Variants in GRIK5 observed in about 807,000 individuals in gnomAD.
GRIK5 encodes the protein glutamate ionotropic receptor kainate type subunit 5, also known as glutamate receptor ionotropic, kainate 5.
A neutral mutation model predicts 97.4 loss-of-function variants in GRIK5; 43 were observed. The observed-to-expected ratio is 0.44, with a 90% confidence interval of 0.35 to 0.57. The LOEUF (loss-of-function observed/expected upper bound fraction) is 0.57. Ranked by LOEUF, GRIK5 falls within the 20% of genes least tolerant of loss-of-function variation. The pLI is 0.01. For synonymous variants in GRIK5, 580 were observed against 583.5 expected (o/e 0.99, Z 0.09); for missense variants, 1,015 against 1,382.0 (o/e 0.73, Z 4.21).
At chr19:42,067,502 A>AG (rs1287768405) in intron 1 of GRIK5, among the ~76,000 whole-genome samples, 3 of 152,158 alleles carry the variant, frequency 2.0e-5, no homozygotes, top group Admixed American at 6.5e-5. Flanking sequence ...GGAGACCCGG[A>AG]GGAGCGCTCA....
intron 19 of GRIK5, among the ~76,000 whole-genome samples, chr19:42,001,203 G>A (rs1555870836): frequency 6.6e-6 from 1 of 152,122 alleles, no homozygotes; most frequent in Non-Finnish European, 1.5e-5. Context: ...CCCTTCTCCT[G>A]GGAAATGTTA....
chr19:42,056,892 TG>T, intron 7 of GRIK5, 32 bp downstream of exon 7: 1 of 1,609,000 alleles, frequency 6.2e-7, no homozygotes, highest in Non-Finnish European at 8.5e-7. Context: ...GGGAAGGAAG[TG>T]GGGGCAGAGA....
Position 42,002,688 on chromosome 19 carries a change from G to C in GRIK5, c.2514+644C>G. 4.9e-6 allele frequency: 3 copies of C among 608,328 alleles called. No individual in the cohort carries two copies. The South Asian group carries it at 6.0e-5, about 12-fold the overall frequency. The allele number at this position is 608,328 out of a possible 1,614,324, so 37.7% of individuals were successfully genotyped here. On this transcript the variant is annotated intron_variant, in intron 19 of 19. Transcript: ENST00000593562. The surrounding 1 kb of genome is among the most constrained non-coding windows in gnomAD (Gnocchi z 5.2). ...GGTCTGGAAATGCAGGGGTGTGGCT[G>C]GGCGGCCCCCAGGGACATGGAAGCA... is the stretch of plus-strand genomic sequence containing the variant.
intron 19 of GRIK5, among the ~76,000 whole-genome samples, chr19:42,000,756 T>C (rs1206570152): frequency 6.6e-6 from 1 of 152,202 alleles, no homozygotes; most frequent in Admixed American, 6.5e-5. Context: ...CACATTCTGC[T>C]TCCGCCTTGC....
intron 12 of GRIK5, among the ~76,000 whole-genome samples, chr19:42,027,194 C>T (rs181820018): frequency 3.9e-5 from 6 of 152,338 alleles, no homozygotes; most frequent in South Asian, 2.1e-4. Flanking sequence ...AAACATACAA[C>T]GTCAGGTAGT....
rs2075954938 is a variant in GRIK5 at position 42,039,718 on chromosome 19, T to C, written c.1473+2834A>G. On this transcript the variant is annotated intron_variant, in intron 12 of 19. Coordinates refer to ENST00000593562, the MANE Select transcript of GRIK5 (RefSeq NM_002088.5). ...GTATGAATAATAACAATAATAAAAA[T>C]AGTATAATCCCAGCACTTTGGAAGG... 2.0e-5 allele frequency among the ~76,000 whole-genome samples: 3 copies of C among 151,910 alleles called. 1 individual carries two copies. Among genetic ancestry groups the C allele is most frequent in the Admixed American group, 2.0e-4 (3 of 15,242 alleles).
chr19:42,048,183 G>C (rs2076067218), intron 11 of GRIK5, among the ~76,000 whole-genome samples: 1 of 152,064 alleles, frequency 6.6e-6, no homozygotes, highest in African/African-American at 2.4e-5. Flanking sequence ...GAAAAAAGCT[G>C]ATGAAGAGAA....
In GRIK5 at chr19:42,042,672, C is replaced by T; in HGVS notation, c.1353G>A (p.Leu451=). ...AGCGCAGCAGCTCGGCCAGCTCCCG[C>T]AGCATGTCCACGCAGAAGCCCTCGA... ...ERFEGFCVDM[L]RELAELLRFR... The change falls in exon 12 of 20, where the codon CTG becomes CTA. Residue 451 remains leucine (L), a synonymous_variant. Coordinates refer to ENST00000593562, the MANE Select transcript of GRIK5 (RefSeq NM_002088.5). This position sits in a 1 kb window ranked among gnomAD's most constrained non-coding sequence, Gnocchi z 6.9. The T allele has an allele frequency of 6.2e-7, 1 of 1,613,614 alleles. No homozygotes were observed. Among genetic ancestry groups the T allele is most frequent in the Non-Finnish European group, 8.5e-7 (1 of 1,180,000 alleles).
intron 6 of GRIK5, 46 bp from the exon 7 acceptor site, chr19:42,057,024 C>A (rs1292458125): frequency 1.4e-6 from 2 of 1,438,748 alleles, no homozygotes; most frequent in Non-Finnish European, 1.9e-6. Flanking sequence ...GACAGAGACC[C>A]ACAGGCAGAG....
intron 8 of GRIK5, among the ~76,000 whole-genome samples, 187 bp from the exon 9 acceptor site, chr19:42,054,659 G>A (rs1240005577): frequency 6.6e-6 from 1 of 152,158 alleles, no homozygotes; most frequent in Non-Finnish European, 1.5e-5. Flanking sequence ...ATTGACAGCG[G>A]GGAAGGTGTG....
intron 15 of GRIK5, among the ~76,000 whole-genome samples, chr19:42,009,042 C>T (rs2075527741): frequency 6.6e-6 from 1 of 151,898 alleles, no homozygotes; most frequent in Non-Finnish European, 1.5e-5. Context: ...GCCTGGTCAA[C>T]ATAGCCAGAC....
At chr19:42,035,327 G>A (rs777878538) in intron 12 of GRIK5, among the ~76,000 whole-genome samples, 7 of 152,114 alleles carry the variant, frequency 4.6e-5, no homozygotes, top group African/African-American at 9.7e-5. Flanking sequence ...GTGTACTAAC[G>A]TGGGAAGATG....
At chr19:42,026,958 C>T (rs1030776748) in intron 12 of GRIK5, among the ~76,000 whole-genome samples, 1 of 152,108 alleles carries the variant, frequency 6.6e-6, no homozygotes, top group East Asian at 1.9e-4. Context: ...TGTGCCATGC[C>T]TGTTCCCCTT....
intron 11 of GRIK5, among the ~76,000 whole-genome samples, chr19:42,043,399 A>ATTT (rs984583211): frequency 2.1e-4 from 25 of 121,300 alleles, no homozygotes; most frequent in South Asian, 2.6e-4. Context: ...AGATGGTGCA[A>ATTT]TTTTTTTTTT....
intron 7 of GRIK5, 26 bp from the exon 8 acceptor site, chr19:42,056,849 C>T (rs1395376091): frequency 6.2e-7 from 1 of 1,613,824 alleles, no homozygotes; most frequent in East Asian, 2.2e-5. Context: ...GGTGGTGAGG[C>T]CTGGGGCTAA....
intron 12 of GRIK5, among the ~76,000 whole-genome samples, chr19:42,027,945 C>T (rs1246181105): frequency 6.6e-6 from 1 of 152,122 alleles, no homozygotes; most frequent in Non-Finnish European, 1.5e-5. Flanking sequence ...TTCTCCTATA[C>T]CTCAACCTCC....
intron 15 of GRIK5, among the ~76,000 whole-genome samples, chr19:42,017,545 A>C (rs2075639434): frequency 6.6e-6 from 1 of 152,254 alleles, no homozygotes; most frequent in African/African-American, 2.4e-5. Flanking sequence ...AGTGTGAGTG[A>C]GAAGCCCCAT....
At position 42,003,544 on chromosome 19, in the gene GRIK5, C is replaced by T. The variant is rs200174390; in HGVS notation, c.2392+11G>A. 64 of 1,608,104 alleles carry T rather than the reference C, an allele frequency of 4.0e-5. No homozygotes were observed. In the East Asian group the frequency reaches 9.6e-4, roughly 24 times the overall value. ...GGCTATGGGAAGGGGACACCATACGCGGGAACTGACCTTTAGCTCGATGGT... is the reference window on the plus strand; with the variant it reads ...GGCTATGGGAAGGGGACACCATACGTGGGAACTGACCTTTAGCTCGATGGT... On this transcript the variant is annotated intron_variant, in intron 18 of 19. Coordinates refer to ENST00000593562, the MANE Select transcript of GRIK5 (RefSeq NM_002088.5). This position sits in a 1 kb window ranked among gnomAD's most constrained non-coding sequence, Gnocchi z 4.2.
intron 9 of GRIK5, 91 bp downstream of exon 9, chr19:42,054,229 G>A: frequency 4.4e-6 from 6 of 1,368,294 alleles, no homozygotes; most frequent in Non-Finnish European, 6.1e-6. Flanking sequence ...GAAGAGCAGG[G>A]AGGGCAGAGG....
Sources: allele counts gnomAD v4.1 joint callset (sites outside exome capture counted in the v4.1 genomes callset), GRCh38; gene constraint gnomAD v4.1.1; non-coding constraint Gnocchi (gnomAD v3.1); transcripts MANE v1.5; gene names NCBI Gene and HGNC (gene_info 2026-07-23, HGNC 2026-07-21).